The following TBC1D5 variants were observed in gnomAD, a reference collection of about 807,000 sequenced individuals.
The protein encoded by TBC1D5 is TBC1 domain family, member 5.
A neutral mutation model predicts 100.3 loss-of-function variants in TBC1D5; 75 were observed. That is an observed-to-expected ratio of 0.75 (90% confidence interval 0.62 to 0.91). The LOEUF is 0.91. Among genes scored for constraint, TBC1D5 ranks in the 40% least tolerant of loss-of-function variants. The pLI, the probability that TBC1D5 is intolerant of heterozygous loss-of-function variation, is 0.00. For synonymous variants in TBC1D5, 323 were observed against 325.6 expected (o/e 0.99, Z 0.09); for missense variants, 910 against 942.4 (o/e 0.97, Z 0.45).
intron 4 of TBC1D5, among the ~76,000 whole-genome samples, chr3:17,427,945 A>G (rs757654251): frequency 2.6e-5 from 4 of 151,928 alleles, no homozygotes; most frequent in Non-Finnish European, 4.4e-5. Context: ...TATCCTTTTA[A>G]AAATTACTAA....
At chr3:17,705,990 T>TTG in intron 1 of TBC1D5, 1 of 1,468,610 alleles carries the variant, frequency 6.8e-7, no homozygotes, top group Non-Finnish European at 9.1e-7. Context: ...ACTCTTTTTT[T>TTG]TTTTTGAGAC....
At chr3:17,437,027 G>A (rs1392511260) in intron 3 of TBC1D5, among the ~76,000 whole-genome samples, 1 of 144,692 alleles carries the variant, frequency 6.9e-6, no homozygotes, top group East Asian at 2.1e-4. Context: ...AGTGGGAGGT[G>A]TTTAGGTCAG....
At chr3:17,260,676 T>A (rs559592253) in intron 15 of TBC1D5, among the ~76,000 whole-genome samples, 3 of 152,188 alleles carry the variant, frequency 2.0e-5, no homozygotes, top group Non-Finnish European at 4.4e-5. Flanking sequence ...TTCTAAAACA[T>A]AAATATACAG....
intron 13 of TBC1D5, among the ~76,000 whole-genome samples, chr3:17,370,185 G>A (rs1575563226): frequency 6.6e-6 from 1 of 152,134 alleles, no homozygotes; most frequent in Admixed American, 6.5e-5. Flanking sequence ...TTGCACCCAA[G>A]CCCACGCCAT....
intron 18 of TBC1D5, among the ~76,000 whole-genome samples, chr3:17,212,640 G>T (rs1300935646): frequency 6.6e-6 from 1 of 152,006 alleles, no homozygotes. Context: ...GGGACAAAAC[G>T]TGGAGGTGGA....
At chr3:17,270,018 C>T (rs905517077) in intron 15 of TBC1D5, among the ~76,000 whole-genome samples, 13 of 152,064 alleles carry the variant, frequency 8.5e-5, no homozygotes, top group Non-Finnish European at 1.8e-4. Flanking sequence ...CCCAGTAATG[C>T]GATTGCTGGG....
chr3:17,382,519 C>T (rs982789168), intron 9 of TBC1D5, among the ~76,000 whole-genome samples: 1 of 151,418 alleles, frequency 6.6e-6, no homozygotes, highest in Non-Finnish European at 1.5e-5. Flanking sequence ...CAAAAACATG[C>T]TATTTTTCTA....
At chr3:17,208,726 T>C (rs750682403) in intron 18 of TBC1D5, among the ~76,000 whole-genome samples, 1 of 152,230 alleles carries the variant, frequency 6.6e-6, no homozygotes, top group Non-Finnish European at 1.5e-5. Context: ...TAAAGTACCA[T>C]CATAAAGAAA....
intron 13 of TBC1D5, among the ~76,000 whole-genome samples, chr3:17,328,712 A>G (rs2086501132): frequency 6.6e-6 from 1 of 152,222 alleles, no homozygotes; most frequent in Non-Finnish European, 1.5e-5. Context: ...CTAGAAAGAA[A>G]GTTATACTCA....
At chr3:17,233,982 G>A (rs1253271069) in intron 17 of TBC1D5, among the ~76,000 whole-genome samples, 3 of 152,002 alleles carry the variant, frequency 2.0e-5, no homozygotes, top group Non-Finnish European at 4.4e-5. Flanking sequence ...ACACAAACAA[G>A]TTTCAACTAG....
chr3:17,575,804 T>C (rs1461037291), intron 2 of TBC1D5, among the ~76,000 whole-genome samples: 1 of 152,106 alleles, frequency 6.6e-6, no homozygotes, highest in Admixed American at 6.6e-5. Flanking sequence ...AAGAAAATAA[T>C]GCAAATTCTC....
At chr3:17,691,312 C>T (rs575614618) in intron 1 of TBC1D5, among the ~76,000 whole-genome samples, 1 of 152,302 alleles carries the variant, frequency 6.6e-6, no homozygotes, top group South Asian at 2.1e-4. Flanking sequence ...AATCTGTATT[C>T]CATCTCTATA....
intron 8 of TBC1D5, among the ~76,000 whole-genome samples, chr3:17,392,737 G>C (rs1575667190): frequency 6.6e-6 from 1 of 152,072 alleles, no homozygotes; most frequent in Admixed American, 6.6e-5. Context: ...GTGTATATGT[G>C]CCACATTTTC....
intron 13 of TBC1D5, among the ~76,000 whole-genome samples, chr3:17,347,916 T>A (rs1032716090): frequency 1.3e-5 from 2 of 152,022 alleles, no homozygotes; most frequent in African/African-American, 4.8e-5. Flanking sequence ...CGTGGGAGGA[T>A]CCCTTGAGTC....
chr3:17,209,771 C>T (rs181080401), intron 18 of TBC1D5, among the ~76,000 whole-genome samples: 1 of 152,272 alleles, frequency 6.6e-6, no homozygotes, highest in African/African-American at 2.4e-5. Context: ...ACAAAGTTAT[C>T]ACCCAAACTC....
chr3:17,519,360 A>G (rs1265992756), intron 2 of TBC1D5, among the ~76,000 whole-genome samples: 1 of 152,084 alleles, frequency 6.6e-6, no homozygotes, highest in Non-Finnish European at 1.5e-5. Context: ...CAAATTACAC[A>G]CCTCAGCACT....
intron 1 of TBC1D5, among the ~76,000 whole-genome samples, chr3:17,657,236 C>G (rs1405692515): frequency 6.6e-6 from 1 of 151,808 alleles, no homozygotes; most frequent in African/African-American, 2.4e-5. Flanking sequence ...AATCTCCCAA[C>G]AAAAGCTGGG....
chr3:17,613,991 G>GT lies in TBC1D5; in HGVS notation c.-36+9857dup, dbSNP rs540480405. Among the ~76,000 whole-genome samples, 72 of 152,262 alleles carry GT rather than the reference G, an allele frequency of 4.7e-4. 1 individual carries two copies. In the South Asian group the frequency reaches 0.015, roughly 31 times the overall value. On this transcript the variant is annotated intron_variant, in intron 2 of 21. Coordinates refer to ENST00000253692, the Ensembl canonical transcript of TBC1D5. Reference sequence around the variant, plus strand: ...CTATGTCCTGAATGGTATTCCCTAGGTTTTTTCTAGAGTTTTTATGGTTTT... The same window carrying GT: ...CTATGTCCTGAATGGTATTCCCTAGGTTTTTTTCTAGAGTTTTTATGGTTTT...
intron 14 of TBC1D5, among the ~76,000 whole-genome samples, chr3:17,307,115 C>CT: frequency 2.0e-5 from 3 of 152,256 alleles, no homozygotes; most frequent in African/African-American, 7.2e-5. Flanking sequence ...ACAAGAGCAT[C>CT]TGGCACAACT....
Sources: allele counts gnomAD v4.1 joint callset (sites outside exome capture counted in the v4.1 genomes callset), GRCh38; gene constraint gnomAD v4.1.1; transcripts MANE v1.5; gene names NCBI Gene and HGNC (gene_info 2026-07-23, HGNC 2026-07-21).